Variants in LRRC4C observed in about 807,000 individuals in gnomAD.
LRRC4C encodes the protein leucine-rich repeat-containing protein 4C.
LRRC4C carries 5 observed loss-of-function variants against 33.6 expected under a neutral mutation model. That is an observed-to-expected ratio of 0.15 (90% CI 0.08 to 0.31). The LOEUF is 0.31. LRRC4C is among the 10% of genes least tolerant of loss of function. The pLI, the probability that LRRC4C is intolerant of heterozygous loss-of-function variation, is 1.00. For missense variants in LRRC4C, 560 were observed against 796.7 expected (o/e 0.70, Z 3.58); for synonymous variants, 329 against 302.0 (o/e 1.09, Z -0.93).
Position 41,443,241 on chromosome 11 carries a change from C to T in LRRC4C, c.-496+16190G>A, listed in dbSNP as rs554204321. 2.4e-4 allele frequency among the ~76,000 whole-genome samples: 36 copies of T among 152,054 alleles called. 1 individual carries two copies. The highest frequency in any genetic ancestry group is 4.4e-4 in the Non-Finnish European group (30 of 68,012). On this transcript the variant is annotated intron_variant, in intron 1 of 6. Transcript: ENST00000528697. ...AACAAATTTTGTACAGGCACAGTGG[C>T]TCACACCTGTAATCACAGCAGTTTG... is the stretch of plus-strand genomic sequence containing the variant.
chr11:40,974,942 A>G (rs772655963), intron 1 of LRRC4C, among the ~76,000 whole-genome samples: 1 of 152,082 alleles, frequency 6.6e-6, no homozygotes, highest in African/African-American at 2.4e-5. Context: ...TTTCCCTCAG[A>G]CTGAGAATTA....
At chr11:41,262,691 G>A (rs1317593391) in intron 1 of LRRC4C, among the ~76,000 whole-genome samples, 1 of 151,986 alleles carries the variant, frequency 6.6e-6, no homozygotes, top group East Asian at 1.9e-4. Context: ...TTTTTGTTCA[G>A]TTGTCTATTT....
intron 2 of LRRC4C, among the ~76,000 whole-genome samples, chr11:40,796,986 G>A (rs1461615571): frequency 6.6e-6 from 1 of 152,184 alleles, no homozygotes; most frequent in Non-Finnish European, 1.5e-5. Context: ...ACTATCACAC[G>A]CTATAGAACT....
At chr11:40,181,001 C>A (rs1007193952) in intron 5 of LRRC4C, among the ~76,000 whole-genome samples, 37 of 152,154 alleles carry the variant, frequency 2.4e-4, no homozygotes, top group African/African-American at 8.2e-4. Flanking sequence ...AGACAGTAGT[C>A]TTGTTCTGTC....
chr11:40,726,772 G>A (rs1394754501), intron 2 of LRRC4C, among the ~76,000 whole-genome samples: 2 of 151,676 alleles, frequency 1.3e-5, no homozygotes, highest in African/African-American at 4.8e-5. Flanking sequence ...TCAAACAAGA[G>A]AAAGAAATAA....
chr11:41,322,057 G>T (rs1950975071), intron 1 of LRRC4C, among the ~76,000 whole-genome samples: 1 of 151,876 alleles, frequency 6.6e-6, no homozygotes. Flanking sequence ...TAGAGATGGG[G>T]TTTTACCATG....
chr11:40,771,460 C>T (rs1373250191), intron 2 of LRRC4C, among the ~76,000 whole-genome samples: 1 of 152,170 alleles, frequency 6.6e-6, no homozygotes, highest in African/African-American at 2.4e-5. Flanking sequence ...GAAGGTCTCT[C>T]ACATGCCTTG....
intron 5 of LRRC4C, among the ~76,000 whole-genome samples, chr11:40,231,716 A>G (rs1340272078): frequency 6.6e-6 from 1 of 152,190 alleles, no homozygotes; most frequent in African/African-American, 2.4e-5. Flanking sequence ...AAATATTGAC[A>G]CTGAAGACCC....
Position 41,448,122 on chromosome 11 carries a change from G to GTTTTTTTTTTTTTTTT in LRRC4C, c.-496+11293_-496+11308dup, listed in dbSNP as rs71063918. The stretch of plus-strand genomic sequence containing the variant: ...ACAAACGAGGCTGCTGCACACGTCT[G>GTTTTTTTTTTTTTTTT]TTTTTTTTTTTTTTTTTTTTGGAGC... On this transcript the variant is annotated intron_variant, in intron 1 of 6. Transcript: ENST00000528697. Among the ~76,000 whole-genome samples the GTTTTTTTTTTTTTTTT allele has an allele frequency of 3.6e-4, 17 of 46,904 alleles. 1 individual carries two copies. The highest frequency in any genetic ancestry group is 4.4e-4 in the Non-Finnish European group (10 of 22,916). The allele number at this position is 46,904 out of a possible 152,430, so 30.8% of individuals were successfully genotyped here. A position where few individuals can be genotyped will look rare whatever the true frequency, so the allele number is the denominator to read the frequency against.
chr11:41,076,246 C>G (rs892956468), intron 1 of LRRC4C, among the ~76,000 whole-genome samples: 3 of 152,146 alleles, frequency 2.0e-5, no homozygotes, highest in Admixed American at 6.5e-5. Flanking sequence ...AAGTTTTCAC[C>G]AAACTTTTGA....
At chr11:41,077,786 T>C (rs1279475281) in intron 1 of LRRC4C, among the ~76,000 whole-genome samples, 1 of 152,216 alleles carries the variant, frequency 6.6e-6, no homozygotes, top group Admixed American at 6.5e-5. Flanking sequence ...AAATGGGTTT[T>C]TCTTTTATTC....
chr11:41,143,598 C>T (rs1590738927), intron 1 of LRRC4C, among the ~76,000 whole-genome samples: 1 of 152,116 alleles, frequency 6.6e-6, no homozygotes, highest in African/African-American at 2.4e-5. Context: ...TATAAAATAT[C>T]TCATCCAAAA....
chr11:40,604,275 C>G (rs1960330945), intron 3 of LRRC4C, among the ~76,000 whole-genome samples: 1 of 152,036 alleles, frequency 6.6e-6, no homozygotes. Flanking sequence ...CTCCTATCTT[C>G]TCTTCTCTAA....
intron 3 of LRRC4C, among the ~76,000 whole-genome samples, chr11:40,430,864 G>A (rs1216202402): frequency 4.2e-5 from 6 of 141,938 alleles, no homozygotes; most frequent in Admixed American, 7.5e-5. Context: ...ACCAAACACC[G>A]CATATTCTCA....
Position 40,714,765 on chromosome 11 carries a change from C to T in LRRC4C, c.-406-66487G>A, listed in dbSNP as rs143532494. Among the ~76,000 whole-genome samples, 136 of 152,266 alleles carry T rather than the reference C, an allele frequency of 8.9e-4. 1 individual carries two copies. The highest frequency in any genetic ancestry group is 3.2e-3 in the African/African-American group (134 of 41,560). The stretch of plus-strand genomic sequence containing the variant: ...ATGAAGTAGAATAGAGATGCCAAAA[C>T]CTGACATATACATATAAGGACACTT... On this transcript the variant is annotated intron_variant, in intron 2 of 6. Coordinates refer to ENST00000528697, the MANE Select transcript of LRRC4C (RefSeq NM_001258419.2).
intron 5 of LRRC4C, among the ~76,000 whole-genome samples, chr11:40,196,219 C>G (rs768232868): frequency 1.4e-4 from 22 of 152,036 alleles, no homozygotes; most frequent in African/African-American, 5.3e-4. Flanking sequence ...GCAGACACTA[C>G]GAAGGGGTAA....
chr11:40,277,156 A>G (rs913746626), intron 4 of LRRC4C, among the ~76,000 whole-genome samples: 1 of 152,112 alleles, frequency 6.6e-6, no homozygotes, highest in African/African-American at 2.4e-5. Flanking sequence ...TAGTATCACC[A>G]CATCTTAAGG....
At chr11:41,059,937 A>G (rs1383771174) in intron 1 of LRRC4C, among the ~76,000 whole-genome samples, 2 of 152,148 alleles carry the variant, frequency 1.3e-5, no homozygotes, top group Admixed American at 6.5e-5. Flanking sequence ...AGGCATAAGA[A>G]TCACTTGAAC....
At chr11:40,305,556 A>G (rs7951143) in intron 4 of LRRC4C, among the ~76,000 whole-genome samples, 149,322 of 152,074 alleles carry the variant, frequency 0.98, 73,382 homozygotes, top group Middle Eastern at 1. Context: ...CCCCTAAGTA[A>G]GTCTTAACTG....
Sources: gnomAD v4.1 joint callset for allele counts (sites outside exome capture counted in the v4.1 genomes callset) on GRCh38, gnomAD v4.1.1 for gene constraint, MANE v1.5 for transcripts, NCBI Gene and HGNC (gene_info 2026-07-23, HGNC 2026-07-21) for gene names.